DISP3: variants seen among roughly 807,000 people sequenced by gnomAD.
DISP3 encodes dispatched RND transporter family member 3.
A neutral mutation model predicts 135.3 loss-of-function variants in DISP3; 101 were observed. The observed-to-expected ratio is 0.75, with a 90% CI of 0.64 to 0.88. The LOEUF (loss-of-function observed/expected upper bound fraction) is 0.88, where lower values mean the gene tolerates loss of function less well. Among genes scored for constraint, DISP3 ranks in the 40% least tolerant of loss-of-function variants. The probability of loss-of-function intolerance (pLI) is 0.00; values close to 1 mark genes in which losing one functional copy is unlikely to be tolerated. For missense variants in DISP3, 1,713 were observed against 1,878.6 expected, an observed-to-expected ratio of 0.91 and a Z score of 1.63; for synonymous variants, 856 against 817.0, an observed-to-expected ratio of 1.05 and a Z score of -0.81.
At chr1:11,518,933 C>G (rs1642089737) in intron 7 of DISP3, among the ~76,000 whole-genome samples, 2 of 152,148 alleles carry the variant, frequency 1.3e-5, no homozygotes, top group Non-Finnish European at 2.9e-5. Flanking sequence ...CTCATGTGTT[C>G]ACTCCAGCTG....
chr1:11,493,399 A>C (rs11121755), intron 1 of DISP3, among the ~76,000 whole-genome samples: 73,840 of 152,034 alleles, frequency 0.49, 19,859 homozygotes, highest in East Asian at 0.73. Flanking sequence ...CATTAGTGAG[A>C]ACCATCTGCT....
rs1640955278 is a variant in DISP3 at position 11,483,323 on chromosome 1, A to G, written c.-4+3951A>G. Among the ~76,000 whole-genome samples the G allele has an allele frequency of 6.6e-6, 1 of 152,200 alleles. No individual in the cohort carries two copies. Among genetic ancestry groups the G allele is most frequent in the African/African-American group, 2.4e-5 (1 of 41,446 alleles). ...TGGGAGGCTGGTGATAACAATACCA[A>G]CCAATCATAGCTGCCATGTGTTAAA... On this transcript the variant is annotated intron_variant, in intron 1 of 20. Coordinates refer to ENST00000294484, the MANE Select transcript of DISP3 (RefSeq NM_020780.2). This position sits in a 1 kb window ranked among gnomAD's most constrained non-coding sequence, Gnocchi z 5.4.
intron 20 of DISP3, among the ~76,000 whole-genome samples, chr1:11,535,913 A>T (rs947845532): frequency 3.3e-5 from 5 of 152,056 alleles, no homozygotes; most frequent in Non-Finnish European, 2.9e-5. Context: ...CCTGCTTCAC[A>T]CTGCCCCAGG....
In DISP3 at chr1:11,519,462, T is replaced by C; in HGVS notation, c.1997T>C (p.Leu666Pro). ...GSPAQGPIPY[L>P]DDDIPLLEVE... The stretch of plus-strand genomic sequence containing the variant: ...CCTGCCCAGGGCCCCATACCCTACC[T>C]GGATGATGACATCCCCTTGCTGGAG... The change falls in exon 8 of 21, where the codon CTG (leucine) becomes CCG (proline). Residue 666 changes from leucine to proline, a missense_variant. Transcript: ENST00000294484. This position sits in a 1 kb window ranked among gnomAD's most constrained non-coding sequence, Gnocchi z 4.3. 1.2e-6 allele frequency: 2 copies of C among 1,613,782 alleles called. No individual in the cohort carries two copies. The highest frequency in any genetic ancestry group is 1.7e-6 in the Non-Finnish European group (2 of 1,180,018).
intron 12 of DISP3, among the ~76,000 whole-genome samples, chr1:11,526,155 G>A (rs1173910327): frequency 1.3e-5 from 2 of 152,106 alleles, no homozygotes; most frequent in Non-Finnish European, 2.9e-5. Flanking sequence ...TCTAAGCCTC[G>A]CATGTGCAGT....
chr1:11,529,421 C>T lies in DISP3; in HGVS notation c.2799-135C>T. On this transcript the variant is annotated intron_variant, in intron 13 of 20. Coordinates refer to ENST00000294484, the MANE Select transcript of DISP3 (RefSeq NM_020780.2). This position sits in a 1 kb window ranked among gnomAD's most constrained non-coding sequence, Gnocchi z 4.7. ...CCCAGCCCTCAACCTGAGAACAAAT[C>T]CCCATGCCGGGGCAGAGCCCGAGTC... 1 of 1,092,632 alleles carries T rather than the reference C, an allele frequency of 9.2e-7. No individual in the cohort carries two copies. Among genetic ancestry groups the T allele is most frequent in the Non-Finnish European group, 1.3e-6 (1 of 762,438 alleles). 67.7% of individuals were successfully genotyped at this position (1,092,632 alleles called of 1,614,324 possible).
rs770526008 is a variant in DISP3 at position 11,526,807 on chromosome 1, G to A, written c.2770G>A (p.Val924Met). 2.5e-6 allele frequency: 4 copies of A among 1,609,088 alleles called. No individual in the cohort carries two copies. Among genetic ancestry groups the A allele is most frequent in the Non-Finnish European group, 3.4e-6 (4 of 1,179,806 alleles). Residue 924 changes from valine (V) to methionine (M), a missense_variant, in exon 13 of 21, where the codon GTG (valine) becomes ATG (methionine). Around this residue, in one of 2 missense-constraint regions of DISP3, gnomAD observed 1,142 missense variants for 1,384.6 expected, o/e 0.82. Transcript: ENST00000294484. ...CTGGAAGTTTGACTTCAGCTTCTAC[G>A]TGGCCACCAAGGAGCAGCAGCACAC... is the stretch of plus-strand genomic sequence containing the variant. ...RGWKFDFSFY[V>M]ATKEQQHTRK...
rs772027702 is a variant in DISP3 at position 11,519,718 on chromosome 1, G to A, written c.2039-1G>A. On this transcript the variant is annotated splice_acceptor_variant, in intron 8 of 20. Transcript: ENST00000294484. LOFTEE classifies it high-confidence loss of function. This position sits in a 1 kb window ranked among gnomAD's most constrained non-coding sequence, Gnocchi z 4.3. ...GACGGGCCACTGCTCTGCCCTGGCA[G>A]TGTCACTGGAGCTGGGAGACGTGTC... 1 of 1,612,436 alleles carries A rather than the reference G, an allele frequency of 6.2e-7. No individual in the cohort carries two copies. The highest frequency in any genetic ancestry group is 8.5e-7 in the Non-Finnish European group (1 of 1,179,790).
rs958923176 is a variant in DISP3 at position 11,483,212 on chromosome 1, A to G, written c.-4+3840A>G. On this transcript the variant is annotated intron_variant, in intron 1 of 20. Coordinates refer to ENST00000294484, the MANE Select transcript of DISP3 (RefSeq NM_020780.2). This position sits in a 1 kb window ranked among gnomAD's most constrained non-coding sequence, Gnocchi z 5.4. ...GGAAGGTACACGGGCGGGAGGATTG[A>G]GAGGAATATGTGTCTGTGTGTTGTC... Among the ~76,000 whole-genome samples the G allele has an allele frequency of 6.6e-6, 1 of 152,194 alleles. No homozygotes were observed. The highest frequency in any genetic ancestry group is 1.5e-5 in the Non-Finnish European group (1 of 68,030).
chr1:11,503,031 C>A (rs190397968), intron 3 of DISP3, 134 bp downstream of exon 3: 12 of 766,524 alleles, frequency 1.6e-5, no homozygotes, highest in Admixed American at 5.7e-5. Context: ...GGGGCAGAAC[C>A]AAGTACATCC....
chr1:11,488,625 A>G (rs1450886006), intron 1 of DISP3, among the ~76,000 whole-genome samples: 1 of 142,524 alleles, frequency 7.0e-6, no homozygotes, highest in Non-Finnish European at 1.5e-5. Context: ...AGAACGGCTG[A>G]GGGCAGATGC....
rs1384455931 is a variant in DISP3 at position 11,520,488 on chromosome 1, A to G, written c.2201-199A>G. Among the ~76,000 whole-genome samples, 4 of 152,118 alleles carry G rather than the reference A, an allele frequency of 2.6e-5. No individual in the cohort carries two copies. The highest frequency in any genetic ancestry group is 9.7e-5 in the African/African-American group (4 of 41,410). On this transcript the variant is annotated intron_variant, in intron 9 of 20. Coordinates refer to ENST00000294484, the MANE Select transcript of DISP3 (RefSeq NM_020780.2). This position sits in a 1 kb window ranked among gnomAD's most constrained non-coding sequence, Gnocchi z 4.8. The stretch of plus-strand genomic sequence containing the variant: ...TTATAGTCAAACCCCATGGGACACC[A>G]CAAAGCAACTGATCCCTGGCCCTGT...
chr1:11,480,197 C>A (rs1640857496), intron 1 of DISP3, among the ~76,000 whole-genome samples: 1 of 152,198 alleles, frequency 6.6e-6, no homozygotes, highest in South Asian at 2.1e-4. Context: ...GCGCCAGCTT[C>A]CCGCTGTCCC....
chr1:11,526,149 A>T (rs1642410935), intron 12 of DISP3, among the ~76,000 whole-genome samples: 4 of 152,172 alleles, frequency 2.6e-5, no homozygotes, highest in African/African-American at 9.7e-5. Flanking sequence ...CCTGCCTCTA[A>T]GCCTCGCATG....
At position 11,535,516 on chromosome 1, in the gene DISP3, G is replaced by A. The variant is rs374923562; in HGVS notation, c.3688G>A (p.Gly1230Ser). ...GGTGGTGACCATCATGTACTGGAGC[G>A]GCTGGGAGATGGGGGCTGTGGAAGC... ...CLVVTIMYWS[G>S]WEMGAVEAIS... Residue 1230 changes from glycine to serine, a missense_variant, in exon 20 of 21, where the codon GGC (glycine) becomes AGC (serine). Transcript: ENST00000294484. 37 of 1,612,806 alleles carry A rather than the reference G, an allele frequency of 2.3e-5. No individual in the cohort carries two copies. Among genetic ancestry groups the A allele is most frequent in the South Asian group, 3.3e-5 (3 of 91,080 alleles).
intron 3 of DISP3, among the ~76,000 whole-genome samples, chr1:11,511,560 C>T (rs184617075): frequency 6.6e-6 from 1 of 152,312 alleles, no homozygotes; most frequent in East Asian, 1.9e-4. Flanking sequence ...TGGTCTTGGG[C>T]AGCTTTGCCC....
chr1:11,536,327 G>A lies in DISP3; in HGVS notation c.3820G>A (p.Ala1274Thr), dbSNP rs888132857. The A allele has an allele frequency of 1.9e-6, 3 of 1,597,520 alleles. No individual in the cohort carries two copies. The highest frequency in any genetic ancestry group is 1.7e-5 in the Admixed American group (1 of 59,864). Reference protein sequence around the residue: ...ENLPPHQAEDARTQRQWRTLE... With the variant: ...ENLPPHQAEDTRTQRQWRTLE... Reference sequence around the variant, plus strand: ...CCAGCTCTCCTCTTGCCCCCAGGACGCCCGAACGCAGCGCCAGTGGCGTAC... The same window carrying A: ...CCAGCTCTCCTCTTGCCCCCAGGACACCCGAACGCAGCGCCAGTGGCGTAC... The change falls in exon 21 of 21, where the codon GCC (alanine) becomes ACC (threonine). Residue 1274 changes from alanine to threonine, a missense_variant. Physicochemically the swap from Ala to Thr is moderately conservative, Grantham distance 58 (BLOSUM62 0). Coordinates refer to ENST00000294484, the MANE Select transcript of DISP3 (RefSeq NM_020780.2). This position sits in a 1 kb window ranked among gnomAD's most constrained non-coding sequence, Gnocchi z 4.3.
intron 19 of DISP3, 148 bp downstream of exon 19, chr1:11,535,272 G>A: frequency 9.7e-7 from 1 of 1,027,890 alleles, no homozygotes; most frequent in Non-Finnish European, 1.4e-6. Context: ...CTGCATGTCT[G>A]TGCTCCTGAG....
In DISP3 at chr1:11,522,728, GCCCAGCCAGGGCCCAGCCAGGA is replaced by G. The variant is rs1642259916; in HGVS notation, c.2363-1203_2363-1182del. Among the ~76,000 whole-genome samples the G allele has an allele frequency of 5.9e-4, 15 of 25,612 alleles. 1 individual carries two copies. Among genetic ancestry groups the G allele is most frequent in the Admixed American group, 2.0e-3 (5 of 2,478 alleles). 16.8% of individuals were successfully genotyped at this position (25,612 alleles called of 152,430 possible). A position where few individuals can be genotyped will look rare whatever the true frequency, so the allele number is the denominator to read the frequency against. On this transcript the variant is annotated intron_variant, in intron 10 of 20. Coordinates refer to ENST00000294484, the MANE Select transcript of DISP3 (RefSeq NM_020780.2). The stretch of plus-strand genomic sequence containing the variant: ...AGGACCCAGCCAGGGCCCAGCCAGG[GCCCAGCCAGGGCCCAGCCAGGA>G]CCCAGCCAGGACCCAGCCAGGACCC...
Sources: allele counts gnomAD v4.1 joint callset (sites outside exome capture counted in the v4.1 genomes callset), GRCh38; gene constraint gnomAD v4.1.1; regional missense constraint gnomAD v4.1.1; non-coding constraint Gnocchi (gnomAD v3.1); transcripts MANE v1.5; gene names NCBI Gene and HGNC (gene_info 2026-07-23, HGNC 2026-07-21).